RAB10: variants seen among roughly 807,000 people sequenced by gnomAD.
RAB10 encodes the protein RAB10, member RAS oncogene family.
RAB10 carries 5 observed loss-of-function variants against 25.7 expected under a neutral mutation model. The observed-to-expected ratio is 0.19, with a 90% CI of 0.10 to 0.41. RAB10 has a LOEUF of 0.41. Ranked by LOEUF, RAB10 falls within the 10% of genes least tolerant of loss-of-function variation. The probability of loss-of-function intolerance (pLI) is 1.00; values close to 1 mark genes in which losing one functional copy is unlikely to be tolerated. For synonymous variants in RAB10, 89 were observed against 86.4 expected (o/e 1.03, Z -0.16); for missense variants, 103 against 245.8 (o/e 0.42, Z 3.89).
intron 3 of RAB10, among the ~76,000 whole-genome samples, chr2:26,125,578 T>C (rs1341142028): frequency 2.6e-5 from 4 of 151,798 alleles, no homozygotes; most frequent in African/African-American, 9.7e-5. Context: ...GCCTCCTAAG[T>C]AGCTGGGACT....
chr2:26,111,784 A>G lies in RAB10; in HGVS notation c.327+1878A>G, dbSNP rs145785515. 2.1e-3 allele frequency among the ~76,000 whole-genome samples: 321 copies of G among 152,268 alleles called. 1 individual carries two copies. The highest frequency in any genetic ancestry group is 7.5e-3 in the African/African-American group (313 of 41,552). On this transcript the variant is annotated intron_variant, in intron 3 of 5. Transcript: ENST00000264710. ...ACATGAACTGGTGTCCTGCTATTCA[A>G]TGCTATTCTGACACTGACTACCCTG...
At chr2:26,113,038 T>C (rs1326649836) in intron 3 of RAB10, among the ~76,000 whole-genome samples, 1 of 151,894 alleles carries the variant, frequency 6.6e-6, no homozygotes, top group Non-Finnish European at 1.5e-5. Context: ...TGAGCCAAGA[T>C]TGCACCACTG....
At chr2:26,092,261 CTGTGTGTGTGTGTGTGTGTGTG>C (rs56875863) in intron 1 of RAB10, among the ~76,000 whole-genome samples, 11,357 of 130,822 alleles carry the variant, frequency 0.087, 507 homozygotes, top group Middle Eastern at 0.12. Context: ...ATAGTGAGAG[CTGTGTGTGTGTGTGTGTGTGTG>C]TGTGTGTGTG....
At chr2:26,103,961 A>G (rs1406692666) in intron 2 of RAB10, among the ~76,000 whole-genome samples, 5 of 152,134 alleles carry the variant, frequency 3.3e-5, no homozygotes, top group African/African-American at 9.7e-5. Context: ...GTATGGATAT[A>G]CCACATTTTA....
intron 1 of RAB10, among the ~76,000 whole-genome samples, chr2:26,043,345 C>T (rs986075421): frequency 2.0e-5 from 3 of 152,094 alleles, no homozygotes; most frequent in African/African-American, 2.4e-5. Flanking sequence ...TCACTTGAAC[C>T]CGGGAAGCGG....
At chr2:26,054,497 G>A (rs1481610127) in intron 1 of RAB10, among the ~76,000 whole-genome samples, 1 of 152,110 alleles carries the variant, frequency 6.6e-6, no homozygotes, top group African/African-American at 2.4e-5. Context: ...GCCGGATAGG[G>A]GTGTAATTCT....
chr2:26,056,169 G>T (rs1391817547), intron 1 of RAB10, among the ~76,000 whole-genome samples: 1 of 152,112 alleles, frequency 6.6e-6, no homozygotes, highest in Non-Finnish European at 1.5e-5. Flanking sequence ...GGGATTACAG[G>T]CGTGAGCCAC....
At position 26,079,696 on chromosome 2, in the gene RAB10, C is replaced by CA. The variant is rs1285666848; in HGVS notation, c.128-18965dup. 5.6e-5 allele frequency among the ~76,000 whole-genome samples: 8 copies of CA among 143,628 alleles called. No homozygotes were observed. The South Asian group carries it at 1.8e-3, about 32-fold the overall frequency. The allele number at this position is 143,628 out of a possible 152,430, so 94.2% of individuals were successfully genotyped here. A position where few individuals can be genotyped will look rare whatever the true frequency, so the allele number is the denominator to read the frequency against. ...TTCTTTTCCTTTTTTGACAGAGTCT[C>CA]ACTCTGTCACCCAGGCTGGAGTGCA... On this transcript the variant is annotated intron_variant, in intron 1 of 5. Coordinates refer to ENST00000264710, the MANE Select transcript of RAB10 (RefSeq NM_016131.5).
intron 3 of RAB10, among the ~76,000 whole-genome samples, chr2:26,121,632 G>A (rs1177679124): frequency 6.6e-6 from 1 of 152,132 alleles, no homozygotes; most frequent in Non-Finnish European, 1.5e-5. Context: ...AATGTCTAAA[G>A]TATATGTAGA....
chr2:26,054,955 T>C (rs1363578865), intron 1 of RAB10, among the ~76,000 whole-genome samples: 2 of 151,260 alleles, frequency 1.3e-5, no homozygotes, highest in Non-Finnish European at 2.9e-5. Context: ...CACTGCAGCC[T>C]GGGTGACAGA....
At chr2:26,126,121 C>G (rs190021049) in intron 3 of RAB10, among the ~76,000 whole-genome samples, 142 of 152,292 alleles carry the variant, frequency 9.3e-4, no homozygotes, top group African/African-American at 3.3e-3. Context: ...ACTGTCCTTT[C>G]CCTATTGACT....
intron 2 of RAB10, among the ~76,000 whole-genome samples, chr2:26,108,962 A>T (rs1667520214): frequency 6.6e-6 from 1 of 151,476 alleles, no homozygotes; most frequent in Admixed American, 6.6e-5. Flanking sequence ...CCCAAGCTGG[A>T]GTGTAGTGGC....
chr2:26,081,505 A>G (rs990389427), intron 1 of RAB10, among the ~76,000 whole-genome samples: 3 of 152,236 alleles, frequency 2.0e-5, no homozygotes, highest in Non-Finnish European at 2.9e-5. Context: ...CTAAGGAGAC[A>G]TACAGCTAAA....
At chr2:26,116,595 C>T (rs1338253719) in intron 3 of RAB10, among the ~76,000 whole-genome samples, 10 of 132,366 alleles carry the variant, frequency 7.6e-5, no homozygotes, top group South Asian at 2.5e-4. Flanking sequence ...CTTGCTCTGT[C>T]GCCCAGGCTG....
intron 1 of RAB10, among the ~76,000 whole-genome samples, chr2:26,048,248 A>G (rs1002456876): frequency 8.5e-5 from 13 of 152,154 alleles, no homozygotes; most frequent in Admixed American, 2.0e-4. Flanking sequence ...GTTGGGTCAC[A>G]TAGTAATTGC....
At chr2:26,043,091 A>G (rs1050894418) in intron 1 of RAB10, among the ~76,000 whole-genome samples, 3 of 152,202 alleles carry the variant, frequency 2.0e-5, no homozygotes, top group Non-Finnish European at 4.4e-5. Flanking sequence ...CATATGATCT[A>G]GTGATCTCAC....
intron 4 of RAB10, 35 bp from the exon 5 acceptor site, chr2:26,127,815 G>C: frequency 6.7e-7 from 1 of 1,496,870 alleles, no homozygotes; most frequent in East Asian, 2.3e-5. Context: ...ACCCATGCTT[G>C]ATAATTTTAT....
chr2:26,073,496 G>T (rs1398260495), intron 1 of RAB10, among the ~76,000 whole-genome samples: 1 of 152,204 alleles, frequency 6.6e-6, no homozygotes, highest in Admixed American at 6.5e-5. Flanking sequence ...CTGTCACCAG[G>T]ATCAGATGGA....
chr2:26,079,815 G>A (rs1357605270), intron 1 of RAB10, among the ~76,000 whole-genome samples: 1 of 152,066 alleles, frequency 6.6e-6, no homozygotes, highest in Non-Finnish European at 1.5e-5. Flanking sequence ...ACAGGCATGT[G>A]CCACCATGCC....
Sources: gnomAD v4.1 joint callset for allele counts (sites outside exome capture counted in the v4.1 genomes callset) on GRCh38, gnomAD v4.1.1 for gene constraint, MANE v1.5 for transcripts, NCBI Gene and HGNC (gene_info 2026-07-23, HGNC 2026-07-21) for gene names.